The following FBXL17 variants were observed in gnomAD, a reference collection of about 807,000 sequenced individuals.
FBXL17 encodes F-box and leucine rich repeat protein 17, also known as F-box/LRR-repeat protein 17.
Under a neutral mutation model 66.2 loss-of-function variants are expected in FBXL17, and 22 were observed. The observed-to-expected ratio is 0.33, with a 90% CI of 0.24 to 0.47. The LOEUF is 0.47. FBXL17 is among the 20% of genes least tolerant of loss of function. FBXL17 has a pLI of 1.00. For synonymous variants in FBXL17, 474 were observed against 400.5 expected, an observed-to-expected ratio of 1.18 and a Z score of -2.19; for missense variants, 878 against 948.2, an observed-to-expected ratio of 0.93 and a Z score of 0.97.
At chr5:108,053,855 C>A (rs748270384) in intron 6 of FBXL17, among the ~76,000 whole-genome samples, 1 of 152,106 alleles carries the variant, frequency 6.6e-6, no homozygotes, top group Non-Finnish European at 1.5e-5. Flanking sequence ...AGTCATAGAA[C>A]CAACCCAAAT....
At chr5:107,885,905 T>G (rs978554154) in intron 7 of FBXL17, among the ~76,000 whole-genome samples, 3 of 151,822 alleles carry the variant, frequency 2.0e-5, no homozygotes, top group Non-Finnish European at 2.9e-5. Context: ...TTTATATAGC[T>G]TTGACTCTCT....
intron 6 of FBXL17, among the ~76,000 whole-genome samples, chr5:108,065,117 G>A (rs903386960): frequency 7.2e-5 from 11 of 152,116 alleles, no homozygotes; most frequent in Non-Finnish European, 1.0e-4. Flanking sequence ...CAGAGGCAAC[G>A]AGTGAATTTG....
intron 6 of FBXL17, among the ~76,000 whole-genome samples, chr5:108,181,767 G>A (rs73778674): frequency 2.6e-5 from 4 of 152,054 alleles, no homozygotes; most frequent in Non-Finnish European, 4.4e-5. Context: ...TTCAATATGA[G>A]AGAAAATAAT....
intron 6 of FBXL17, among the ~76,000 whole-genome samples, chr5:108,125,260 T>G (rs887255126): frequency 6.6e-6 from 1 of 152,054 alleles, no homozygotes; most frequent in Non-Finnish European, 1.5e-5. Flanking sequence ...TATCAAAATA[T>G]TTCATGTACC....
chr5:108,126,651 C>CTA (rs1165177851), intron 6 of FBXL17, among the ~76,000 whole-genome samples: 8 of 108,050 alleles, frequency 7.4e-5, no homozygotes, highest in Admixed American at 1.9e-4. Flanking sequence ...CTCTCTCTCT[C>CTA]TATATATATA....
intron 4 of FBXL17, among the ~76,000 whole-genome samples, chr5:108,322,816 G>T (rs922039982): frequency 3.3e-5 from 5 of 151,980 alleles, no homozygotes; most frequent in South Asian, 4.1e-4. Context: ...TACAGTCACT[G>T]AAAATGTTAT....
intron 4 of FBXL17, among the ~76,000 whole-genome samples, chr5:108,330,751 C>G (rs898809129): frequency 6.6e-6 from 1 of 152,072 alleles, no homozygotes; most frequent in African/African-American, 2.4e-5. Flanking sequence ...CACACATCAT[C>G]ACACATGCAC....
intron 5 of FBXL17, among the ~76,000 whole-genome samples, chr5:108,215,610 CACTT>C (rs1364154983): frequency 1.3e-5 from 2 of 152,234 alleles, no homozygotes; most frequent in East Asian, 3.8e-4. Flanking sequence ...ATATTCAAGA[CACTT>C]ACCAGATATG....
rs191111599 is a variant in FBXL17, at chr5:107,970,006, C to A, written c.1822+50919G>T. Among the ~76,000 whole-genome samples the A allele has an allele frequency of 5.5e-4, 84 of 152,240 alleles. 1 individual carries two copies. Among genetic ancestry groups the A allele is most frequent in the African/African-American group, 2.0e-3 (82 of 41,570 alleles). ...TGCATATTTAGAAATCTAATTAACC[C>A]AAGCATATCTTAAGGCTTTCAAAAG... On this transcript the variant is annotated intron_variant, in intron 7 of 8. Coordinates refer to ENST00000542267, the MANE Select transcript of FBXL17 (RefSeq NM_001163315.3).
At chr5:108,090,736 T>C (rs936328089) in intron 6 of FBXL17, among the ~76,000 whole-genome samples, 2 of 152,222 alleles carry the variant, frequency 1.3e-5, no homozygotes, top group African/African-American at 4.8e-5. Flanking sequence ...AGTTTTAGCA[T>C]GTGGGCCATA....
intron 6 of FBXL17, among the ~76,000 whole-genome samples, chr5:108,070,099 C>A (rs530060794): frequency 7.2e-5 from 11 of 152,260 alleles, no homozygotes; most frequent in Middle Eastern, 6.8e-3. Context: ...CTTCATGTAG[C>A]AGATTTGTAA....
rs780654824 is a variant in FBXL17, at chr5:108,121,563, A to AT, written c.1745+64553dup. Among the ~76,000 whole-genome samples the AT allele has an allele frequency of 5.5e-3, 811 of 146,660 alleles. 2 individuals are homozygous for AT. The highest frequency in any genetic ancestry group is 0.012 in the African/African-American group (471 of 40,312). On this transcript the variant is annotated intron_variant, in intron 6 of 8. Coordinates refer to ENST00000542267, the MANE Select transcript of FBXL17 (RefSeq NM_001163315.3). ...TAATTGATACAAAAATATATTTACA[A>AT]TTTTTTTTTTTTTGAGACAGAGTCT...
chr5:108,198,885 A>G (rs114269670), intron 5 of FBXL17, among the ~76,000 whole-genome samples: 1,742 of 152,060 alleles, frequency 0.011, 49 homozygotes, highest in African/African-American at 0.04. Flanking sequence ...GATCTCTCTA[A>G]AGTTTTCCTT....
At chr5:108,015,684 G>C (rs1164469477) in intron 7 of FBXL17, among the ~76,000 whole-genome samples, 1 of 152,082 alleles carries the variant, frequency 6.6e-6, no homozygotes, top group Non-Finnish European at 1.5e-5. Context: ...AATGCTTGTT[G>C]GGGTTTCTTT....
At chr5:108,248,518 A>G (rs781498040) in intron 4 of FBXL17, among the ~76,000 whole-genome samples, 11 of 152,198 alleles carry the variant, frequency 7.2e-5, no homozygotes, top group African/African-American at 1.2e-4. Flanking sequence ...AGGAGAAAGA[A>G]TATAGGACTA....
intron 4 of FBXL17, among the ~76,000 whole-genome samples, chr5:108,297,408 A>G (rs573329553): frequency 2.0e-5 from 3 of 151,856 alleles, no homozygotes; most frequent in African/African-American, 7.2e-5. Flanking sequence ...TTGCAAATTA[A>G]TATACTTCAG....
intron 6 of FBXL17, among the ~76,000 whole-genome samples, chr5:108,121,212 C>T (rs1273694273): frequency 6.6e-6 from 1 of 151,720 alleles, no homozygotes; most frequent in Non-Finnish European, 1.5e-5. Context: ...CCCATAGTCC[C>T]AGCTACTCGG....
intron 5 of FBXL17, among the ~76,000 whole-genome samples, chr5:108,194,154 C>T (rs1753582421): frequency 6.6e-6 from 1 of 152,130 alleles, no homozygotes; most frequent in Non-Finnish European, 1.5e-5. Flanking sequence ...CCTACCATTC[C>T]CTGAAATCTG....
rs57393639 is a variant in FBXL17 at position 108,013,014 on chromosome 5, C to CAAA, written c.1822+7908_1822+7910dup. Among the ~76,000 whole-genome samples, 107 of 79,358 alleles carry CAAA rather than the reference C, an allele frequency of 1.3e-3. 3 individuals carry two copies. The highest frequency in any genetic ancestry group is 5.0e-3 in the African/African-American group (93 of 18,762). The allele number at this position is 79,358 out of a possible 152,430, so 52.1% of individuals were successfully genotyped here. The stretch of plus-strand genomic sequence containing the variant: ...GGGTAACAAGAGCGAAACTCCGTCT[C>CAAA]AAAAAAAAAAAAAAAAAAAAAAAAG... On this transcript the variant is annotated intron_variant, in intron 7 of 8. Coordinates refer to ENST00000542267, the MANE Select transcript of FBXL17 (RefSeq NM_001163315.3).
Sources: allele counts gnomAD v4.1 joint callset (sites outside exome capture counted in the v4.1 genomes callset), GRCh38; gene constraint gnomAD v4.1.1; transcripts MANE v1.5; gene names NCBI Gene and HGNC (gene_info 2026-07-23, HGNC 2026-07-21).